EPB41: variants seen among roughly 807,000 people sequenced by gnomAD.
EPB41 encodes the protein protein 4.1.
EPB41 carries 65 observed loss-of-function variants against 108.0 expected under a neutral mutation model. The observed-to-expected ratio is 0.60, with a 90% CI of 0.49 to 0.74. The LOEUF is 0.74. Ranked by LOEUF, EPB41 falls within the 30% of genes least tolerant of loss-of-function variation. EPB41 has a pLI of 0.00. For missense variants in EPB41, 875 were observed against 1,037.0 expected, an observed-to-expected ratio of 0.84 and a Z score of 2.15; for synonymous variants, 336 against 358.9, an observed-to-expected ratio of 0.94 and a Z score of 0.72.
intron 16 of EPB41, among the ~76,000 whole-genome samples, chr1:29,075,636 G>A (rs1653723855): frequency 1.3e-5 from 2 of 152,218 alleles, no homozygotes; most frequent in South Asian, 4.2e-4. Context: ...ATCAACAAAG[G>A]CAGGTGAGCC....
intron 1 of EPB41, among the ~76,000 whole-genome samples, chr1:28,905,009 C>A (rs181989135): frequency 1.5e-5 from 2 of 135,006 alleles, no homozygotes; most frequent in Non-Finnish European, 3.1e-5. Context: ...CCAGCCTGGG[C>A]GACAGAACGA....
Position 29,097,535 on chromosome 1 carries a change from A to T in EPB41, c.2185-272A>T. ...TGAAGGTCAGTCTGAAGTGTTTTATATCACCAATCATAACTGTCTGCTCTT... is the reference window on the plus strand; with the variant it reads ...TGAAGGTCAGTCTGAAGTGTTTTATTTCACCAATCATAACTGTCTGCTCTT... On this transcript the variant is annotated intron_variant, in intron 16 of 20. Transcript: ENST00000343067. 6.3e-6 allele frequency: 3 copies of T among 477,868 alleles called. No homozygotes were observed. In the South Asian group the frequency reaches 6.5e-5, roughly 10 times the overall value. 29.6% of individuals were successfully genotyped at this position (477,868 alleles called of 1,614,324 possible).
At chr1:29,110,568 A>G (rs964064060) in intron 18 of EPB41, among the ~76,000 whole-genome samples, 45 of 152,204 alleles carry the variant, frequency 3.0e-4, no homozygotes, top group African/African-American at 1.0e-3. Flanking sequence ...AATATCTAAA[A>G]TTGGAACTAC....
intron 11 of EPB41, among the ~76,000 whole-genome samples, chr1:29,052,069 A>T (rs1421990882): frequency 6.6e-6 from 1 of 152,224 alleles, no homozygotes; most frequent in African/African-American, 2.4e-5. Flanking sequence ...CCATAAAAAG[A>T]GTATGAGTGA....
intron 4 of EPB41, among the ~76,000 whole-genome samples, chr1:29,009,379 T>C (rs1355517938): frequency 6.6e-6 from 1 of 152,170 alleles, no homozygotes; most frequent in Non-Finnish European, 1.5e-5. Context: ...CCCTGGAGTC[T>C]TTATATGATT....
intron 11 of EPB41, among the ~76,000 whole-genome samples, chr1:29,042,445 C>T (rs1473987357): frequency 6.6e-6 from 1 of 152,048 alleles, no homozygotes; most frequent in Non-Finnish European, 1.5e-5. Context: ...TGCTTCCATA[C>T]TGTGAGTCAT....
intron 1 of EPB41, among the ~76,000 whole-genome samples, chr1:28,981,291 A>G (rs1235763555): frequency 1.3e-5 from 2 of 152,210 alleles, no homozygotes; most frequent in Non-Finnish European, 1.5e-5. Flanking sequence ...CATAACACAA[A>G]AGATGGGAAA....
At chr1:28,984,684 G>T (rs533358810) in intron 1 of EPB41, among the ~76,000 whole-genome samples, 3 of 150,098 alleles carry the variant, frequency 2.0e-5, no homozygotes, top group African/African-American at 7.4e-5. Context: ...TTGAGACAAG[G>T]TGTTGCTCTG....
At position 29,118,088 on chromosome 1, in the gene EPB41, C is replaced by T. The variant is rs1029670959; in HGVS notation, c.*1276C>T. 6.6e-6 allele frequency: 1 copy of T among 152,086 alleles called. No homozygotes were observed. Among genetic ancestry groups the T allele is most frequent in the Admixed American group, 6.6e-5 (1 of 15,266 alleles). 9.4% of individuals were successfully genotyped at this position (152,086 alleles called of 1,614,324 possible). On this transcript the variant is annotated 3_prime_UTR_variant, in exon 21 of 21. Coordinates refer to ENST00000343067, the MANE Select transcript of EPB41 (RefSeq NM_001376013.1). ...TGAAAGTGAAGATGATGCCCTAATTCCTGGTAAGGATTTGGGGCATAGTTT... is the reference window on the plus strand; with the variant it reads ...TGAAAGTGAAGATGATGCCCTAATTTCTGGTAAGGATTTGGGGCATAGTTT...
At chr1:29,070,278 A>C (rs2151092265) in intron 16 of EPB41, 1 of 1,013,900 alleles carries the variant, frequency 9.9e-7, no homozygotes, top group East Asian at 3.3e-5. Flanking sequence ...TCCTTTGCAC[A>C]TCCCCAAGTA....
intron 1 of EPB41, among the ~76,000 whole-genome samples, chr1:28,916,094 C>A (rs547740556): frequency 1.3e-5 from 2 of 152,058 alleles, no homozygotes; most frequent in Admixed American, 1.3e-4. Context: ...ATCAGTTCTT[C>A]GCCAGTTGTA....
At chr1:29,093,863 C>G (rs1161823425) in intron 16 of EPB41, among the ~76,000 whole-genome samples, 2 of 152,160 alleles carry the variant, frequency 1.3e-5, no homozygotes, top group African/African-American at 4.8e-5. Context: ...CAAGATCACA[C>G]CACTACACTC....
chr1:29,040,553 T>G (rs1641100856), intron 11 of EPB41, among the ~76,000 whole-genome samples: 1 of 152,114 alleles, frequency 6.6e-6, no homozygotes, highest in African/African-American at 2.4e-5. Context: ...AGTGCTGAGA[T>G]TATGGGTGTG....
chr1:29,008,644 T>C (rs1241613078), intron 4 of EPB41, among the ~76,000 whole-genome samples: 1 of 152,190 alleles, frequency 6.6e-6, no homozygotes, highest in Admixed American at 6.5e-5. Flanking sequence ...TTTCTCTAAT[T>C]GATGTCACTC....
intron 4 of EPB41, among the ~76,000 whole-genome samples, chr1:29,005,478 A>C (rs2096384179): frequency 6.6e-6 from 1 of 152,146 alleles, no homozygotes; most frequent in Non-Finnish European, 1.5e-5. Flanking sequence ...AAACTTTATT[A>C]ATCTATCCTG....
intron 1 of EPB41, among the ~76,000 whole-genome samples, chr1:28,963,666 G>A (rs571577808): frequency 4.6e-5 from 7 of 152,194 alleles, no homozygotes; most frequent in South Asian, 4.1e-4. Flanking sequence ...TTCTCAGATC[G>A]TTCATGGCAA....
chr1:28,949,164 C>T (rs2094603550), intron 1 of EPB41, among the ~76,000 whole-genome samples: 1 of 152,096 alleles, frequency 6.6e-6, no homozygotes, highest in Admixed American at 6.6e-5. Flanking sequence ...TAATTTTAGG[C>T]CAGCCTTGGT....
At chr1:28,897,077 G>C (rs1483818539) in intron 1 of EPB41, among the ~76,000 whole-genome samples, 1 of 152,168 alleles carries the variant, frequency 6.6e-6, no homozygotes, top group African/African-American at 2.4e-5. Flanking sequence ...CTGGACACTG[G>C]GGCAAGGCCT....
intron 17 of EPB41, 95 bp from the exon 18 acceptor site, chr1:29,109,241 C>A: frequency 2.2e-6 from 2 of 913,730 alleles, no homozygotes; most frequent in Admixed American, 1.9e-5. Flanking sequence ...GAGATTTTTG[C>A]ATCAGAATGT....
Sources: gnomAD v4.1 joint callset for allele counts (sites outside exome capture counted in the v4.1 genomes callset) on GRCh38, gnomAD v4.1.1 for gene constraint, MANE v1.5 for transcripts, NCBI Gene and HGNC (gene_info 2026-07-23, HGNC 2026-07-21) for gene names.